The following BIRC2 variants were observed in gnomAD, a reference collection of about 807,000 sequenced individuals.
BIRC2 encodes the protein baculoviral IAP repeat-containing protein 2.
Under a neutral mutation model 60.9 loss-of-function variants are expected in BIRC2, and 18 were observed. The ratio of observed to expected loss-of-function variants is 0.30; its 90% CI spans 0.20 to 0.44. The LOEUF is 0.44. BIRC2 is among the 20% of genes least tolerant of loss of function. BIRC2 has a pLI of 1.00. For missense variants in BIRC2, 701 were observed against 728.5 expected (o/e 0.96, Z 0.43); for synonymous variants, 282 against 247.7 (o/e 1.14, Z -1.30).
At chr11:102,376,086 A>T (rs180902274) in intron 6 of BIRC2, among the ~76,000 whole-genome samples, 18 of 152,298 alleles carry the variant, frequency 1.2e-4, no homozygotes, top group African/African-American at 4.1e-4. Flanking sequence ...CTAAGGTTAT[A>T]TGAAATCACT....
At chr11:102,368,605 TCA>T in intron 6 of BIRC2, 57 bp downstream of exon 6, 2 of 1,579,610 alleles carry the variant, frequency 1.3e-6, no homozygotes, top group South Asian at 2.4e-5. Context: ...TAGGACTGTC[TCA>T]CATGTTACAG....
At chr11:102,377,967 C>G (rs1951734043) in intron 8 of BIRC2, 23 bp from the exon 9 acceptor site, 7 of 1,597,884 alleles carry the variant, frequency 4.4e-6, no homozygotes, top group Middle Eastern at 1.7e-4. Context: ...AACAATTTCA[C>G]TAAAGTTATT....
chr11:102,369,083 A>G (rs1355040088), intron 6 of BIRC2, among the ~76,000 whole-genome samples: 3 of 152,196 alleles, frequency 2.0e-5, no homozygotes, highest in South Asian at 2.1e-4. Context: ...ATTCGTCCAG[A>G]TAGTATTAAG....
chr11:102,362,345 T>C (rs1432641885), intron 3 of BIRC2, among the ~76,000 whole-genome samples: 1 of 152,214 alleles, frequency 6.6e-6, no homozygotes, highest in Non-Finnish European at 1.5e-5. Flanking sequence ...GTGAACTTCT[T>C]GGAACATCTT....
rs1951735631 is a variant in BIRC2 at position 102,378,150 on chromosome 11, A to C, written c.1824A>C (p.Ile608=). 1 of 1,611,376 alleles carries C rather than the reference A, an allele frequency of 6.2e-7. No individual in the cohort carries two copies. The highest frequency in any genetic ancestry group is 1.3e-5 in the African/African-American group (1 of 74,746). ...GAAAATGCCCTATTTGCAGGGGTATAATCAAGGGTACTGTTCGTACATTTC... is the reference window on the plus strand; with the variant it reads ...GAAAATGCCCTATTTGCAGGGGTATCATCAAGGGTACTGTTCGTACATTTC... ...SLRKCPICRG[I]IKGTVRTFLS The change falls in exon 9 of 9, where the codon ATA becomes ATC. Residue 608 remains isoleucine, a synonymous_variant. Coordinates refer to ENST00000227758, the MANE Select transcript of BIRC2 (RefSeq NM_001166.5).
intron 5 of BIRC2, among the ~76,000 whole-genome samples, chr11:102,364,139 T>TTATTTATA (rs1555048337): frequency 3.3e-5 from 2 of 61,418 alleles, no homozygotes; most frequent in African/African-American, 7.8e-5. Context: ...CTAATAAATA[T>TTATTTATA]TATATATATA....
intron 6 of BIRC2, among the ~76,000 whole-genome samples, chr11:102,375,758 T>C (rs1951705029): frequency 6.9e-6 from 1 of 145,926 alleles, no homozygotes; most frequent in African/African-American, 2.5e-5. Context: ...CCAGCCTGGG[T>C]GACAGAGCCA....
chr11:102,351,036 C>G, intron 3 of BIRC2, 93 bp downstream of exon 3: 1 of 1,153,518 alleles, frequency 8.7e-7, no homozygotes, highest in Non-Finnish European at 1.3e-6. Flanking sequence ...TAAATTATAA[C>G]AAAGCCTCTT....
chr11:102,368,236 G>C, intron 5 of BIRC2, 70 bp from the exon 6 acceptor site: 1 of 1,500,892 alleles, frequency 6.7e-7, no homozygotes, highest in Non-Finnish European at 9.1e-7. Flanking sequence ...AATAAAGATT[G>C]TGCCATGATA....
At chr11:102,353,076 CTT>C (rs1445560223) in intron 3 of BIRC2, among the ~76,000 whole-genome samples, 10 of 151,982 alleles carry the variant, frequency 6.6e-5, no homozygotes. Context: ...TTTTATCAGA[CTT>C]TTAAATGACT....
In BIRC2 at chr11:102,378,315, T is replaced by G. The variant is rs1951737326; in HGVS notation, c.*132T>G. The G allele has an allele frequency of 1.5e-6, 1 of 669,450 alleles. No homozygotes were observed. Among genetic ancestry groups the G allele is most frequent in the Non-Finnish European group, 2.3e-6 (1 of 425,856 alleles). 41.5% of individuals were successfully genotyped at this position (669,450 alleles called of 1,614,324 possible). A position where few individuals can be genotyped will look rare whatever the true frequency, so the allele number is the denominator to read the frequency against. The stretch of plus-strand genomic sequence containing the variant: ...ACATTCATGTTCTAGTCTGCTTTGG[T>G]ACTAATAATCTTGTTTCTGAAAAGA... On this transcript the variant is annotated 3_prime_UTR_variant, in exon 9 of 9. Coordinates refer to ENST00000227758, the MANE Select transcript of BIRC2 (RefSeq NM_001166.5).
At chr11:102,366,542 A>ATT (rs796573610) in intron 5 of BIRC2, among the ~76,000 whole-genome samples, 2 of 149,966 alleles carry the variant, frequency 1.3e-5, no homozygotes, top group African/African-American at 2.5e-5. Context: ...AATTTTTTGT[A>ATT]TTTTTTTTTA....
intron 3 of BIRC2, among the ~76,000 whole-genome samples, chr11:102,357,478 T>C (rs961406929): frequency 2.0e-5 from 3 of 152,194 alleles, no homozygotes; most frequent in African/African-American, 7.2e-5. Context: ...TTACTAGTTA[T>C]AAGTCTTTTC....
At chr11:102,372,385 T>C (rs1237715494) in intron 6 of BIRC2, among the ~76,000 whole-genome samples, 1 of 152,210 alleles carries the variant, frequency 6.6e-6, no homozygotes, top group African/African-American at 2.4e-5. Flanking sequence ...TTCTCATTGG[T>C]TTCAAAGAAC....
At chr11:102,358,231 A>G (rs571915589) in intron 3 of BIRC2, among the ~76,000 whole-genome samples, 1 of 152,328 alleles carries the variant, frequency 6.6e-6, no homozygotes, top group Non-Finnish European at 1.5e-5. Context: ...AATGTTCTGT[A>G]TAAAGGTTGA....
At chr11:102,371,822 T>A (rs1380124992) in intron 6 of BIRC2, among the ~76,000 whole-genome samples, 1 of 151,850 alleles carries the variant, frequency 6.6e-6, no homozygotes, top group Non-Finnish European at 1.5e-5. Context: ...TGGTAAGCTA[T>A]TGATTATTGC....
At chr11:102,370,031 ATTTG>A (rs1247472643) in intron 6 of BIRC2, among the ~76,000 whole-genome samples, 10 of 152,028 alleles carry the variant, frequency 6.6e-5, no homozygotes, top group Non-Finnish European at 1.2e-4. Context: ...TGTCTTGTAA[ATTTG>A]TTTGAGTTCA....
intron 1 of BIRC2, 165 bp downstream of exon 1, chr11:102,347,541 C>A (rs1284381849): frequency 6.6e-6 from 1 of 152,282 alleles, no homozygotes; most frequent in African/African-American, 2.4e-5. Flanking sequence ...TCTACTCTCG[C>A]CAAGGTTTTA....
At chr11:102,361,779 C>T (rs1277667655) in intron 3 of BIRC2, among the ~76,000 whole-genome samples, 1 of 151,868 alleles carries the variant, frequency 6.6e-6, no homozygotes, top group African/African-American at 2.4e-5. Flanking sequence ...TGTTCTTAGC[C>T]ATCTCCAGAT....
Sources: allele counts gnomAD v4.1 joint callset (sites outside exome capture counted in the v4.1 genomes callset), GRCh38; gene constraint gnomAD v4.1.1; transcripts MANE v1.5; gene names NCBI Gene and HGNC (gene_info 2026-07-23, HGNC 2026-07-21).